Variants in TNRC18 observed in about 807,000 individuals in gnomAD.
TNRC18 encodes the protein trinucleotide repeat containing 18, also known as trinucleotide repeat-containing gene 18 protein.
TNRC18 carries 69 observed loss-of-function variants against 226.7 expected under a neutral mutation model. The observed-to-expected ratio is 0.30, with a 90% CI of 0.25 to 0.37. The LOEUF (loss-of-function observed/expected upper bound fraction) is 0.37, where lower values mean the gene tolerates loss of function less well. TNRC18 is among the 10% of genes least tolerant of loss of function. The probability of loss-of-function intolerance (pLI) is 1.00; values close to 1 mark genes in which losing one functional copy is unlikely to be tolerated. For missense variants in TNRC18, 4,754 were observed against 4,256.6 expected, an observed-to-expected ratio of 1.12 and a Z score of -3.25; for synonymous variants, 2,449 against 1,927.6, an observed-to-expected ratio of 1.27 and a Z score of -7.09.
chr7:5,403,966 A>G (rs1781290114), intron 2 of TNRC18, among the ~76,000 whole-genome samples: 1 of 152,186 alleles, frequency 6.6e-6, no homozygotes, highest in African/African-American at 2.4e-5. Flanking sequence ...GACCCTCTAG[A>G]TAGAATGACC....
chr7:5,353,328 G>A (rs1792025891), intron 16 of TNRC18, among the ~76,000 whole-genome samples: 1 of 152,140 alleles, frequency 6.6e-6, no homozygotes, highest in African/African-American at 2.4e-5. Context: ...CGTGAGGCCA[G>A]GAGTTCGAGA....
chr7:5,359,591 G>A (rs749951849), intron 14 of TNRC18, 22 bp from the exon 15 acceptor site: 44 of 1,612,444 alleles, frequency 2.7e-5, no homozygotes, highest in Admixed American at 8.3e-5. Context: ...ACACACTGCC[G>A]GTCAGCACCC....
rs765681696 is a variant in TNRC18 at position 5,312,920 on chromosome 7, G to A, written c.7971C>T (p.Ser2657=). The A allele has an allele frequency of 1.4e-5, 21 of 1,490,326 alleles. No homozygotes were observed. Among genetic ancestry groups the A allele is most frequent in the Non-Finnish European group, 1.9e-5 (21 of 1,107,366 alleles). The allele number at this position is 1,490,326 out of a possible 1,614,324, so 92.3% of individuals were successfully genotyped here. Residue 2657 remains serine (S), a synonymous_variant, in exon 27 of 30, where the codon TCC becomes TCT. Transcript: ENST00000430969. The surrounding 1 kb of genome is among the most constrained non-coding windows in gnomAD (Gnocchi z 6.3). ...AAGAGGAGGAGGAGGAGGAGGATGAGGACGAGGAAGAGGAGGAGGAGGAAG... is the reference window on the plus strand; with the variant it reads ...AAGAGGAGGAGGAGGAGGAGGATGAAGACGAGGAAGAGGAGGAGGAGGAAG... ...SSSSSSSSSS[S]SSSSSSSSSS... is the part of the protein sequence containing the mutation.
Position 5,362,659 on chromosome 7 carries a change from C to A in TNRC18, c.4386G>T (p.Lys1462Asn). 1.3e-6 allele frequency: 2 copies of A among 1,575,094 alleles called. No individual in the cohort carries two copies. The highest frequency in any genetic ancestry group is 2.3e-5 in the East Asian group (1 of 43,498). The change falls in exon 12 of 30, where the codon AAG becomes AAT. Residue 1462 changes from lysine (K) to asparagine (N), a missense_variant. Physicochemically the swap from Lys to Asn is moderately conservative, Grantham distance 94. Coordinates refer to ENST00000430969, the MANE Select transcript of TNRC18 (RefSeq NM_001080495.3). ...PNKKYSWMRK[K>N]EERMYAMKSS... is the part of the protein sequence containing the mutation. ...GCAGCCAGCCGCTCACCCGCTCCTCCTTCTTGCGCATCCAGCTGTACTTCT... is the reference window on the plus strand; with the variant it reads ...GCAGCCAGCCGCTCACCCGCTCCTCATTCTTGCGCATCCAGCTGTACTTCT...
intron 18 of TNRC18, among the ~76,000 whole-genome samples, chr7:5,344,800 C>G (rs1791003747): frequency 6.6e-6 from 1 of 152,154 alleles, no homozygotes; most frequent in African/African-American, 2.4e-5. Flanking sequence ...GAGCTGCGTC[C>G]GTGTGAGGGC....
rs1280579581 is a variant in TNRC18 at position 5,371,164 on chromosome 7, G to A, written c.3430C>T (p.Leu1144=). The change falls in exon 11 of 30, where the codon CTG becomes TTG. Residue 1144 remains leucine, a synonymous_variant. Coordinates refer to ENST00000430969, the MANE Select transcript of TNRC18 (RefSeq NM_001080495.3). The part of the protein sequence containing the change: ...RLSPSKITEP[L]REGPEEEPLA... ...GGTTCTTCCTCCGGGCCCTCCCGCA[G>A]CGGCTCTGTGATCTTGGAGGGGGAC... 4 of 1,608,234 alleles carry A rather than the reference G, an allele frequency of 2.5e-6. No homozygotes were observed. Among genetic ancestry groups the A allele is most frequent in the Non-Finnish European group, 2.6e-6 (3 of 1,175,968 alleles).
intron 5 of TNRC18, among the ~76,000 whole-genome samples, 157 bp downstream of exon 5, chr7:5,387,515 T>C (rs1483241650): frequency 6.6e-6 from 1 of 152,186 alleles, no homozygotes; most frequent in Non-Finnish European, 1.5e-5. Context: ...AACTGAACCA[T>C]GGTACATGCT....
chr7:5,398,653 G>C (rs1038913010), intron 2 of TNRC18, among the ~76,000 whole-genome samples: 1 of 147,596 alleles, frequency 6.8e-6, no homozygotes, highest in Non-Finnish European at 1.5e-5. Context: ...GTCTCTCTCT[G>C]TTCACCCAGG....
chr7:5,390,441 C>T (rs746957343), intron 4 of TNRC18, 44 bp downstream of exon 4: 2 of 1,611,272 alleles, frequency 1.2e-6, no homozygotes, highest in African/African-American at 2.7e-5. Context: ...AGAAGCCTCT[C>T]AGAAGGCCCC....
In TNRC18 at chr7:5,388,894, C is replaced by A. The variant is rs931729378; in HGVS notation, c.930G>T (p.Arg310=). ...GCAGCAGCCGCGCGCCCTCGTCCTG[C>A]CGGGCAGCCTCCTTGGCACCCCCGC... ...AGRGGAKEAA[R]QDEGARLLRR... The change falls in exon 5 of 30, where the codon CGG becomes CGT. Residue 310 remains arginine, a synonymous_variant. Transcript: ENST00000430969. The A allele has an allele frequency of 1.5e-6, 2 of 1,356,262 alleles. No homozygotes were observed. Among genetic ancestry groups the A allele is most frequent in the Non-Finnish European group, 1.9e-6 (2 of 1,050,508 alleles). The allele number at this position is 1,356,262 out of a possible 1,614,324, so 84.0% of individuals were successfully genotyped here. A position where few individuals can be genotyped will look rare whatever the true frequency, so the allele number is the denominator to read the frequency against.
chr7:5,355,228 C>T (rs1050342269), intron 16 of TNRC18, among the ~76,000 whole-genome samples: 1 of 152,254 alleles, frequency 6.6e-6, no homozygotes, highest in Admixed American at 6.5e-5. Context: ...GCAGCAGGTT[C>T]TGGGCCACAA....
At chr7:5,362,537 G>T in intron 12 of TNRC18, 113 bp downstream of exon 12, 1 of 1,023,098 alleles carries the variant, frequency 9.8e-7, no homozygotes, top group Non-Finnish European at 1.4e-6. Flanking sequence ...ACGTAGCTCA[G>T]GCCTCTCTGG....
At chr7:5,342,112 A>C (rs1478724397) in intron 18 of TNRC18, among the ~76,000 whole-genome samples, 4 of 152,174 alleles carry the variant, frequency 2.6e-5, no homozygotes, top group African/African-American at 9.7e-5. Flanking sequence ...GGGCAAAGTA[A>C]ATGGAAAACC....
At chr7:5,413,162 C>T (rs1781948743) in intron 2 of TNRC18, among the ~76,000 whole-genome samples, 4 of 152,150 alleles carry the variant, frequency 2.6e-5, no homozygotes, top group African/African-American at 4.8e-5. Flanking sequence ...AAAGCCGGGG[C>T]AAGGGTCTGG....
chr7:5,401,726 T>C (rs1221115208), intron 2 of TNRC18, among the ~76,000 whole-genome samples: 2 of 152,216 alleles, frequency 1.3e-5, no homozygotes, highest in East Asian at 3.8e-4. Flanking sequence ...ACCCCAGCAT[T>C]ACTAGGTATG....
rs541403434 is a variant in TNRC18, at chr7:5,316,035, G to C, written c.6783C>G (p.Thr2261=). 32 of 1,608,600 alleles carry C rather than the reference G, an allele frequency of 2.0e-5. No individual in the cohort carries two copies. Among genetic ancestry groups the C allele is most frequent in the Admixed American group, 3.4e-5 (2 of 59,376 alleles). The change falls in exon 25 of 30, where the codon ACC becomes ACG. Residue 2261 remains threonine, a synonymous_variant. Coordinates refer to ENST00000430969, the MANE Select transcript of TNRC18 (RefSeq NM_001080495.3). The part of the protein sequence containing the change: ...LDLEDDGDLI[T]VEFDDGDTGR... ...CCGTGTCTCCGTCGTCAAACTCCAC[G>C]GTGATCAAGTCCCCATCGTCCTCCA...
chr7:5,413,829 A>G (rs1354289580), intron 2 of TNRC18, among the ~76,000 whole-genome samples: 1 of 152,122 alleles, frequency 6.6e-6, no homozygotes, highest in African/African-American at 2.4e-5. Flanking sequence ...CACCATGCCC[A>G]GCCCCTAGTT....
In TNRC18 at chr7:5,362,026, G is replaced by C; in HGVS notation, c.4403C>G (p.Ala1468Gly). ...CATGTCCTCCAGGGAGGACTTCATG[G>C]CATACATCTGGGGGAAGAACCGGGA... ...WMRKKEERMY[A>G]MKSSLEDMDA... The change falls in exon 13 of 30, where the codon GCC becomes GGC. Residue 1468 changes from alanine to glycine, a missense_variant. Coordinates refer to ENST00000430969, the MANE Select transcript of TNRC18 (RefSeq NM_001080495.3). 1 of 1,613,088 alleles carries C rather than the reference G, an allele frequency of 6.2e-7. No individual in the cohort carries two copies. Among genetic ancestry groups the C allele is most frequent in the Non-Finnish European group, 8.5e-7 (1 of 1,179,564 alleles).
At chr7:5,389,609 C>A in intron 4 of TNRC18, 1 of 258,236 alleles carries the variant, frequency 3.9e-6, no homozygotes, top group Non-Finnish European at 7.2e-6. Flanking sequence ...CGCACCCCAC[C>A]ACGCACGGCT....
Sources: gnomAD v4.1 joint callset for allele counts (sites outside exome capture counted in the v4.1 genomes callset) on GRCh38, gnomAD v4.1.1 for gene constraint, Gnocchi (gnomAD v3.1) non-coding constraint, MANE v1.5 for transcripts, NCBI Gene and HGNC (gene_info 2026-07-23, HGNC 2026-07-21) for gene names.